Variants in MRTFA observed in about 807,000 individuals in gnomAD.
The protein encoded by MRTFA is myocardin-related transcription factor A.
MRTFA carries 20 observed loss-of-function variants against 83.5 expected under a neutral mutation model. The ratio of observed to expected loss-of-function variants is 0.24; its 90% CI spans 0.17 to 0.35. The LOEUF (loss-of-function observed/expected upper bound fraction) is 0.35. Ranked by LOEUF, MRTFA falls within the 10% of genes least tolerant of loss-of-function variation. The pLI is 1.00. For synonymous variants in MRTFA, 659 were observed against 541.2 expected, an observed-to-expected ratio of 1.22 and a Z score of -3.02; for missense variants, 1,200 against 1,224.7, an observed-to-expected ratio of 0.98 and a Z score of 0.30.
At chr22:40,429,564 A>C (rs1314881923) in intron 7 of MRTFA, 42 bp downstream of exon 7, 3 of 1,613,152 alleles carry the variant, frequency 1.9e-6, no homozygotes, top group Non-Finnish European at 2.5e-6. Context: ...CCCCTCCTGC[A>C]TCTCAGCTGC....
At chr22:40,427,859 G>GA in intron 7 of MRTFA, among the ~76,000 whole-genome samples, 1 of 152,296 alleles carries the variant, frequency 6.6e-6, no homozygotes, top group Non-Finnish European at 1.5e-5. Context: ...CAACCTCCAG[G>GA]AAAGTGGGGG....
At chr22:40,431,720 G>A (rs1325503902) in intron 5 of MRTFA, among the ~76,000 whole-genome samples, 2 of 151,954 alleles carry the variant, frequency 1.3e-5, no homozygotes, top group African/African-American at 4.8e-5. Flanking sequence ...CTCTGAGGCT[G>A]GACTGACAAT....
chr22:40,605,476 G>GT (rs751114385), intron 1 of MRTFA, among the ~76,000 whole-genome samples: 6 of 152,184 alleles, frequency 3.9e-5, no homozygotes, highest in Non-Finnish European at 8.8e-5. Context: ...CAAAGATACA[G>GT]TATGTGTGCA....
At chr22:40,591,198 G>C (rs2056115913) in intron 2 of MRTFA, among the ~76,000 whole-genome samples, 5 of 150,152 alleles carry the variant, frequency 3.3e-5, no homozygotes, top group Admixed American at 2.0e-4. Flanking sequence ...ATAATAACGA[G>C]CTCTTACTGA....
intron 4 of MRTFA, among the ~76,000 whole-genome samples, chr22:40,445,509 T>G (rs190666868): frequency 6.6e-6 from 1 of 152,322 alleles, no homozygotes; most frequent in African/African-American, 2.4e-5. Context: ...TGTTTAGATT[T>G]TTCCCCCAAG....
intron 3 of MRTFA, among the ~76,000 whole-genome samples, chr22:40,504,693 C>A (rs1007981237): frequency 1.3e-5 from 2 of 152,092 alleles, no homozygotes; most frequent in South Asian, 4.2e-4. Context: ...AAGTGAGAAA[C>A]CTGAAGAGGA....
Position 40,411,853 on chromosome 22 carries a change from G to A in MRTFA, c.2633C>T (p.Ser878Phe), listed in dbSNP as rs921747128. The stretch of plus-strand genomic sequence containing the variant: ...GGGGGACCCACAGACTGTCTTCGGG[G>A]ATGGCTTCTCCTTCCCTGGCAGGGA... The change falls in exon 15 of 15, where the codon TCC becomes TTC. Residue 878 changes from serine to phenylalanine, a missense_variant. Ser to Phe is a radical substitution (Grantham distance 155, BLOSUM62 -2). Transcript: ENST00000355630. 1 of 1,494,430 alleles carries A rather than the reference G, an allele frequency of 6.7e-7. No individual in the cohort carries two copies. The highest frequency in any genetic ancestry group is 2.4e-5 in the Admixed American group (1 of 42,292). The allele number at this position is 1,494,430 out of a possible 1,614,324, so 92.6% of individuals were successfully genotyped here. A position where few individuals can be genotyped will look rare whatever the true frequency, so the allele number is the denominator to read the frequency against.
chr22:40,575,320 G>A (rs1411042541), intron 2 of MRTFA, among the ~76,000 whole-genome samples: 1 of 151,522 alleles, frequency 6.6e-6, no homozygotes, highest in Non-Finnish European at 1.5e-5. Flanking sequence ...AATTTAATTA[G>A]TACCTCACAG....
rs1472829270 is a variant in MRTFA at position 40,420,483 on chromosome 22, G to T, written c.1275C>A (p.Pro425=). The stretch of plus-strand genomic sequence containing the variant: ...TGCTGTTCTGACGTGCCAGCCCACA[G>T]GGCCCAGGGGCGCCCGAGCTGGAGC... Residue 425 remains proline (P), a synonymous_variant, in exon 11 of 15, where the codon CCC becomes CCA. Transcript: ENST00000355630. The T allele has an allele frequency of 1.2e-6, 2 of 1,613,670 alleles. No homozygotes were observed. Among genetic ancestry groups the T allele is most frequent in the Non-Finnish European group, 1.7e-6 (2 of 1,180,032 alleles).
chr22:40,503,859 T>C (rs1052990846), intron 3 of MRTFA, among the ~76,000 whole-genome samples: 3 of 152,024 alleles, frequency 2.0e-5, no homozygotes, highest in African/African-American at 7.2e-5. Context: ...GAGGCAGAGG[T>C]TGCAGTGAGC....
chr22:40,521,021 CATA>C (rs1033766140), intron 3 of MRTFA, among the ~76,000 whole-genome samples: 3 of 151,862 alleles, frequency 2.0e-5, no homozygotes, highest in Non-Finnish European at 2.9e-5. Context: ...TATAGATTCA[CATA>C]ATAAGAAATA....
At chr22:40,533,511 T>A (rs2055117827) in intron 3 of MRTFA, 1 of 886,650 alleles carries the variant, frequency 1.1e-6, no homozygotes, top group Non-Finnish European at 1.5e-6. Flanking sequence ...ATGACCCATT[T>A]TTTTTAAAGA....
intron 2 of MRTFA, among the ~76,000 whole-genome samples, chr22:40,581,390 T>G (rs1165241828): frequency 6.6e-6 from 1 of 152,186 alleles, no homozygotes; most frequent in Non-Finnish European, 1.5e-5. Context: ...CATAGGACAT[T>G]CATCACCTTC....
intron 14 of MRTFA, among the ~76,000 whole-genome samples, chr22:40,414,843 AATG>A (rs1316591904): frequency 1.3e-5 from 2 of 152,326 alleles, no homozygotes; most frequent in African/African-American, 4.8e-5. Flanking sequence ...ACATTTAAAA[AATG>A]ATTAGAATGG....
At chr22:40,557,660 G>T (rs1481902761) in intron 2 of MRTFA, among the ~76,000 whole-genome samples, 1 of 152,114 alleles carries the variant, frequency 6.6e-6, no homozygotes, top group Non-Finnish European at 1.5e-5. Flanking sequence ...AGGAAAAAAA[G>T]TGGTTAAAAG....
At chr22:40,620,542 G>A (rs1232208646) in intron 1 of MRTFA, among the ~76,000 whole-genome samples, 1 of 150,748 alleles carries the variant, frequency 6.6e-6, no homozygotes, top group Non-Finnish European at 1.5e-5. Flanking sequence ...CCAAAGTGCT[G>A]GGATTACAGG....
rs1411364556 is a variant in MRTFA, at chr22:40,527,231, GTCC to G, written c.241+24872_241+24874del. On this transcript the variant is annotated intron_variant, in intron 3 of 14. Transcript: ENST00000355630. ...GTTTGCACTATGTAGTTGTCACATA[GTCC>G]TCTTTTCTAGGCCCTCTATACTCAC... 5.9e-5 allele frequency among the ~76,000 whole-genome samples: 9 copies of G among 152,020 alleles called. No homozygotes were observed. The East Asian group carries it at 1.5e-3, about 26-fold the overall frequency.
intron 4 of MRTFA, among the ~76,000 whole-genome samples, chr22:40,446,251 G>C (rs1311437465): frequency 6.6e-6 from 1 of 152,174 alleles, no homozygotes; most frequent in African/African-American, 2.4e-5. Context: ...GATGATCCTT[G>C]TCTGAACTGA....
In MRTFA at chr22:40,490,928, G is replaced by A. The variant is rs147084772; in HGVS notation, c.242-27642C>T. ...GGATTTGGATAAAGCTCCTATTGTC[G>A]TTTTTTTCATAACCTAGAACTCTTC... On this transcript the variant is annotated intron_variant, in intron 3 of 14. Transcript: ENST00000355630. Among the ~76,000 whole-genome samples, 753 of 152,018 alleles carry A rather than the reference G, an allele frequency of 5.0e-3. 3 individuals carry two copies. The highest frequency in any genetic ancestry group is 0.024 in the Middle Eastern group (7 of 294).
Sources: gnomAD v4.1 joint callset for allele counts (sites outside exome capture counted in the v4.1 genomes callset) on GRCh38, gnomAD v4.1.1 for gene constraint, MANE v1.5 for transcripts, NCBI Gene and HGNC (gene_info 2026-07-23, HGNC 2026-07-21) for gene names.